Variants in ROBO2 observed in about 807,000 individuals in gnomAD.
The protein encoded by ROBO2 is roundabout guidance receptor 2, also known as roundabout homolog 2.
In ROBO2, 53 loss-of-function variants were observed where a neutral mutation model predicts 160.8. The ratio of observed to expected loss-of-function variants is 0.33; its 90% CI spans 0.26 to 0.41. The LOEUF (loss-of-function observed/expected upper bound fraction) is 0.41, where lower values mean the gene tolerates loss of function less well. Among genes scored for constraint, ROBO2 ranks in the 10% least tolerant of loss-of-function variants. The pLI is 1.00. For missense variants in ROBO2, 1,577 were observed against 1,722.4 expected, an observed-to-expected ratio of 0.92 and a Z score of 1.49; for synonymous variants, 664 against 611.7, an observed-to-expected ratio of 1.09 and a Z score of -1.26.
At chr3:76,921,245 AT>A (rs2076640479) in intron 2 of ROBO2, among the ~76,000 whole-genome samples, 1 of 152,136 alleles carries the variant, frequency 6.6e-6, no homozygotes, top group South Asian at 2.1e-4. Flanking sequence ...CCCATCAGTA[AT>A]TTCTCTTGTG....
chr3:77,429,220 C>A (rs898289664), intron 2 of ROBO2, among the ~76,000 whole-genome samples: 1 of 152,140 alleles, frequency 6.6e-6, no homozygotes, highest in Non-Finnish European at 1.5e-5. Flanking sequence ...CAAATTCAAT[C>A]TCTGCATTAC....
intron 1 of ROBO2, among the ~76,000 whole-genome samples, chr3:75,932,753 A>G (rs191409955): frequency 1.1e-3 from 161 of 152,282 alleles, no homozygotes; most frequent in African/African-American, 3.4e-3. Context: ...TGTCTCATAC[A>G]TAGAGCCTGA....
intron 2 of ROBO2, among the ~76,000 whole-genome samples, chr3:75,996,719 CTATTCTGATATATGTAAATCATCAATT>C (rs2065736384): frequency 1.3e-5 from 2 of 151,626 alleles, no homozygotes; most frequent in African/African-American, 4.8e-5. Flanking sequence ...TAATGAATAT[CTATTCTGATATATGTAAATCATCAATT>C]CTGATATATG....
At chr3:77,477,332 C>A in intron 2 of ROBO2, 82 bp from the exon 3 acceptor site, 1 of 1,406,510 alleles carries the variant, frequency 7.1e-7, no homozygotes, top group Non-Finnish European at 1.0e-6. Flanking sequence ...ACAAGGTAAA[C>A]AAGACTTGAA....
intron 2 of ROBO2, among the ~76,000 whole-genome samples, chr3:77,345,462 A>G (rs566039483): frequency 1.2e-4 from 19 of 152,260 alleles, no homozygotes; most frequent in African/African-American, 4.6e-4. Flanking sequence ...GACATATTGA[A>G]GGCTAGCTGC....
At chr3:76,631,055 T>C (rs1002989368) in intron 2 of ROBO2, among the ~76,000 whole-genome samples, 4 of 152,212 alleles carry the variant, frequency 2.6e-5, no homozygotes, top group African/African-American at 7.2e-5. Context: ...GAGTTAATGG[T>C]ATCCATTATG....
chr3:76,657,610 ATTCATATATATGTGTATATATATT>A (rs2091600537), intron 2 of ROBO2, among the ~76,000 whole-genome samples: 1 of 90,654 alleles, frequency 1.1e-5, no homozygotes, highest in East Asian at 2.8e-4. Context: ...GTATATATAT[ATTCATATATATGTGTATATATATT>A]CATATATATG....
intron 2 of ROBO2, among the ~76,000 whole-genome samples, chr3:76,781,959 G>A (rs10440067): frequency 0.019 from 2,939 of 150,802 alleles, 96 homozygotes; most frequent in African/African-American, 0.066. Context: ...TTAATGTTTA[G>A]TAGCATTCAT....
intron 2 of ROBO2, among the ~76,000 whole-genome samples, chr3:77,134,200 A>G (rs2076089994): frequency 6.6e-6 from 1 of 152,106 alleles, no homozygotes; most frequent in African/African-American, 2.4e-5. Flanking sequence ...AAAGAAACAT[A>G]AAAACAAGGC....
At chr3:76,302,583 A>G (rs1286202082) in intron 2 of ROBO2, among the ~76,000 whole-genome samples, 1 of 152,072 alleles carries the variant, frequency 6.6e-6, no homozygotes. Context: ...GGTCCCATAA[A>G]ATCTTAATAC....
intron 6 of ROBO2, among the ~76,000 whole-genome samples, chr3:77,530,941 A>G (rs530782093): frequency 6.6e-6 from 1 of 152,122 alleles, no homozygotes; most frequent in South Asian, 2.1e-4. Flanking sequence ...TTTCTATTGG[A>G]AGCCTCTCCC....
chr3:77,194,829 T>G (rs2082169799), intron 2 of ROBO2, among the ~76,000 whole-genome samples: 1 of 152,190 alleles, frequency 6.6e-6, no homozygotes, highest in South Asian at 2.1e-4. Context: ...GATGAAGGAA[T>G]AGTTATAGTA....
At chr3:76,769,688 A>G (rs1402077002) in intron 2 of ROBO2, among the ~76,000 whole-genome samples, 1 of 151,440 alleles carries the variant, frequency 6.6e-6, no homozygotes, top group Non-Finnish European at 1.5e-5. Context: ...CTATCCATCT[A>G]TAATTACTTT....
intron 2 of ROBO2, among the ~76,000 whole-genome samples, chr3:76,017,252 T>C (rs2066430591): frequency 6.6e-6 from 1 of 152,180 alleles, no homozygotes; most frequent in South Asian, 2.1e-4. Flanking sequence ...ATCCCTCTAG[T>C]TATGCAAAAG....
chr3:75,964,105 C>T (rs1470400693), intron 2 of ROBO2, among the ~76,000 whole-genome samples: 2 of 151,820 alleles, frequency 1.3e-5, no homozygotes, highest in Middle Eastern at 3.4e-3. Flanking sequence ...AGATAATTCA[C>T]TTTGTTAATA....
At chr3:76,540,954 C>G (rs557451694) in intron 2 of ROBO2, among the ~76,000 whole-genome samples, 1 of 152,080 alleles carries the variant, frequency 6.6e-6, no homozygotes, top group African/African-American at 2.4e-5. Context: ...CATGCACCAC[C>G]GCATCTAGCT....
chr3:77,538,878 G>C (rs930634421), intron 6 of ROBO2: 1 of 496,100 alleles, frequency 2.0e-6, no homozygotes, highest in Non-Finnish European at 4.0e-6. Context: ...GTTGGTGGAG[G>C]CAAGCCTATT....
intron 2 of ROBO2, among the ~76,000 whole-genome samples, chr3:77,476,771 A>G (rs191450467): frequency 2.0e-5 from 3 of 152,178 alleles, no homozygotes; most frequent in South Asian, 2.1e-4. Flanking sequence ...GACAGGCAAA[A>G]CTGCTATAAG....
intron 2 of ROBO2, among the ~76,000 whole-genome samples, chr3:76,758,476 T>C (rs1449138436): frequency 6.6e-6 from 1 of 151,812 alleles, no homozygotes; most frequent in Non-Finnish European, 1.5e-5. Flanking sequence ...TTATGTCTCA[T>C]TGATCTTTAC....
Sources: gnomAD v4.1 joint callset for allele counts (sites outside exome capture counted in the v4.1 genomes callset) on GRCh38, gnomAD v4.1.1 for gene constraint, MANE v1.5 for transcripts, NCBI Gene and HGNC (gene_info 2026-07-23, HGNC 2026-07-21) for gene names.